KCNH8: variants seen among roughly 807,000 people sequenced by gnomAD.
KCNH8 encodes potassium voltage-gated channel subfamily H member 8.
A neutral mutation model predicts 103.6 loss-of-function variants in KCNH8; 70 were observed. That is an observed-to-expected ratio of 0.68 (90% CI 0.56 to 0.82). The LOEUF is 0.82. Among genes scored for constraint, KCNH8 ranks in the 40% least tolerant of loss-of-function variants. The pLI, the probability that KCNH8 is intolerant of heterozygous loss-of-function variation, is 0.00. For synonymous variants in KCNH8, 498 were observed against 489.4 expected (o/e 1.02, Z -0.23); for missense variants, 1,217 against 1,329.9 (o/e 0.92, Z 1.32).
At chr3:19,294,494 A>G (rs1056682991) in intron 3 of KCNH8, among the ~76,000 whole-genome samples, 2 of 152,190 alleles carry the variant, frequency 1.3e-5, no homozygotes, top group Non-Finnish European at 2.9e-5. Flanking sequence ...TATCCCAGGA[A>G]ATAGATTTCT....
At chr3:19,215,709 T>C (rs1044390314) in intron 1 of KCNH8, among the ~76,000 whole-genome samples, 9 of 152,220 alleles carry the variant, frequency 5.9e-5, no homozygotes, top group Non-Finnish European at 1.3e-4. Context: ...CCCACAACTT[T>C]TTCTCTCCCT....
intron 3 of KCNH8, among the ~76,000 whole-genome samples, chr3:19,284,940 G>A (rs1337604554): frequency 6.6e-6 from 1 of 151,322 alleles, no homozygotes; most frequent in Non-Finnish European, 1.5e-5. Flanking sequence ...AGAAAGGAAG[G>A]GAATGTCTAC....
At chr3:19,306,295 A>T (rs1019077361) in intron 3 of KCNH8, among the ~76,000 whole-genome samples, 4 of 152,092 alleles carry the variant, frequency 2.6e-5, no homozygotes, top group Admixed American at 2.6e-4. Flanking sequence ...AAATACAAAT[A>T]ATATGTCTCC....
At chr3:19,484,101 C>G (rs943905855) in intron 11 of KCNH8, among the ~76,000 whole-genome samples, 1 of 151,996 alleles carries the variant, frequency 6.6e-6, no homozygotes, top group African/African-American at 2.4e-5. Flanking sequence ...TTTGGGCACC[C>G]CCTTTCTTTT....
intron 7 of KCNH8, among the ~76,000 whole-genome samples, chr3:19,397,935 G>A (rs918760362): frequency 2.6e-5 from 4 of 151,814 alleles, no homozygotes; most frequent in African/African-American, 9.7e-5. Flanking sequence ...AAGTAGCTTA[G>A]AGTCTACGCT....
At chr3:19,323,081 C>T (rs750268743) in intron 3 of KCNH8, among the ~76,000 whole-genome samples, 2 of 152,002 alleles carry the variant, frequency 1.3e-5, no homozygotes, top group Admixed American at 6.6e-5. Context: ...GAGATTTTTC[C>T]AGTCATATCC....
chr3:19,270,761 G>C (rs1192785762), intron 2 of KCNH8, among the ~76,000 whole-genome samples: 1 of 152,144 alleles, frequency 6.6e-6, no homozygotes, highest in Admixed American at 6.5e-5. Flanking sequence ...TTTGTTGTCT[G>C]CATATTCTTG....
At chr3:19,384,804 G>A (rs2066334973) in intron 5 of KCNH8, among the ~76,000 whole-genome samples, 1 of 152,046 alleles carries the variant, frequency 6.6e-6, no homozygotes, top group Non-Finnish European at 1.5e-5. Flanking sequence ...TACAAGAGCG[G>A]TTTTCTTTTT....
chr3:19,169,350 C>T, intron 1 of KCNH8, among the ~76,000 whole-genome samples: 1 of 151,622 alleles, frequency 6.6e-6, no homozygotes, highest in Non-Finnish European at 1.5e-5. Context: ...GCTCCGCCTC[C>T]CGGGTTCACG....
At chr3:19,300,944 C>G (rs1429664800) in intron 3 of KCNH8, among the ~76,000 whole-genome samples, 1 of 151,480 alleles carries the variant, frequency 6.6e-6, no homozygotes, top group Admixed American at 6.6e-5. Context: ...ATTTTTTAAG[C>G]TACCTGAAAT....
Position 19,253,672 on chromosome 3 carries a change from C to G in KCNH8, c.95C>G (p.Ala32Gly). The part of the protein sequence containing the change: ...FDGTHSNFIL[A>G]NAQVAKGFPI... ...TCTATAGATAGCAACTTCATCCTTG[C>G]CAATGCCCAGGTGGCTAAGGGTTTC... Residue 32 changes from alanine to glycine, a missense_variant, in exon 2 of 16, where the codon GCC becomes GGC. Ala to Gly is a moderately conservative substitution (Grantham distance 60). This residue lies in a region of KCNH8 where 244 missense variants were observed against 256.8 expected (regional missense o/e 0.95). Coordinates refer to ENST00000328405, the MANE Select transcript of KCNH8 (RefSeq NM_144633.3). 6.2e-7 allele frequency: 1 copy of G among 1,613,194 alleles called. No individual in the cohort carries two copies. Among genetic ancestry groups the G allele is most frequent in the Non-Finnish European group, 8.5e-7 (1 of 1,179,518 alleles).
intron 3 of KCNH8, among the ~76,000 whole-genome samples, chr3:19,340,900 C>A (rs1283123868): frequency 1.3e-5 from 2 of 151,990 alleles, no homozygotes; most frequent in Non-Finnish European, 2.9e-5. Flanking sequence ...GAGGGAGAGA[C>A]CAAGGCAAGT....
chr3:19,474,067 A>G (rs2067918905), intron 11 of KCNH8, among the ~76,000 whole-genome samples: 2 of 152,132 alleles, frequency 1.3e-5, no homozygotes, highest in African/African-American at 4.8e-5. Context: ...CATGTGGGGC[A>G]TTTCTTCTGT....
chr3:19,466,963 T>C (rs1216211952), intron 11 of KCNH8, among the ~76,000 whole-genome samples: 1 of 152,072 alleles, frequency 6.6e-6, no homozygotes, highest in Non-Finnish European at 1.5e-5. Flanking sequence ...GCCCGGCCAA[T>C]AAAATATTTT....
At chr3:19,428,676 A>C (rs191823624) in intron 7 of KCNH8, among the ~76,000 whole-genome samples, 29 of 152,346 alleles carry the variant, frequency 1.9e-4, no homozygotes, top group African/African-American at 7.0e-4. Context: ...TCTCCATTTT[A>C]GTGAGAAGAA....
rs1491504046 is a variant in KCNH8 at position 19,419,194 on chromosome 3, G to GTTTTTTTTTTT, written c.1178-18970_1178-18969insTTTTTTTTTTT. On this transcript the variant is annotated intron_variant, in intron 7 of 15. Coordinates refer to ENST00000328405, the MANE Select transcript of KCNH8 (RefSeq NM_144633.3). Reference sequence around the variant, plus strand: ...AAAAAGAAGTAATTAAAATGGTTTTGGTTTTTTTTTTTTTTTTTTTTTTGA... The same window carrying GTTTTTTTTTTT: ...AAAAAGAAGTAATTAAAATGGTTTTGTTTTTTTTTTTGTTTTTTTTTTTTTTTTTTTTTTGA... 2.7e-4 allele frequency among the ~76,000 whole-genome samples: 17 copies of GTTTTTTTTTTT among 64,118 alleles called. 1 individual carries two copies. The highest frequency in any genetic ancestry group is 1.1e-3 in the African/African-American group (15 of 14,076). 42.1% of individuals were successfully genotyped at this position (64,118 alleles called of 152,430 possible). A position where few individuals can be genotyped will look rare whatever the true frequency, so the allele number is the denominator to read the frequency against.
intron 15 of KCNH8, among the ~76,000 whole-genome samples, chr3:19,523,961 C>T (rs182286182): frequency 1.3e-5 from 2 of 151,890 alleles, no homozygotes; most frequent in African/African-American, 4.8e-5. Flanking sequence ...CTTGACAAAG[C>T]TAATAGATTA....
intron 5 of KCNH8, among the ~76,000 whole-genome samples, chr3:19,384,124 T>C (rs1231111006): frequency 7.6e-4 from 116 of 152,260 alleles, no homozygotes; most frequent in African/African-American, 2.5e-3. Context: ...AAGACCAATA[T>C]AACACAAATA....
Position 19,148,650 on chromosome 3 carries a change from C to G in KCNH8, c.-70C>G. The stretch of plus-strand genomic sequence containing the variant: ...CGTCATCAGGTTCCCCTTCTCCCTT[C>G]TTGGCACTTTCCTTTCGAACCATCC... On this transcript the variant is annotated 5_prime_UTR_variant, in exon 1 of 16. Coordinates refer to ENST00000328405, the MANE Select transcript of KCNH8 (RefSeq NM_144633.3). 1 of 1,490,188 alleles carries G rather than the reference C, an allele frequency of 6.7e-7. No individual in the cohort carries two copies. The highest frequency in any genetic ancestry group is 9.4e-7 in the Non-Finnish European group (1 of 1,066,400). The allele number at this position is 1,490,188 out of a possible 1,614,324, so 92.3% of individuals were successfully genotyped here.
Sources: gnomAD v4.1 joint callset for allele counts (sites outside exome capture counted in the v4.1 genomes callset) on GRCh38, gnomAD v4.1.1 for gene constraint, gnomAD v4.1.1 regional missense constraint, MANE v1.5 for transcripts, NCBI Gene and HGNC (gene_info 2026-07-23, HGNC 2026-07-21) for gene names.